Variants in ITGAX observed in about 807,000 individuals in gnomAD.
ITGAX encodes the protein integrin alpha-X.
Under a neutral mutation model 140.2 loss-of-function variants are expected in ITGAX, and 99 were observed. The ratio of observed to expected loss-of-function variants is 0.71; its 90% CI spans 0.60 to 0.83. The LOEUF is 0.83. ITGAX is among the 40% of genes least tolerant of loss of function. The probability of loss-of-function intolerance (pLI) is 0.00; values close to 1 mark genes in which losing one functional copy is unlikely to be tolerated. For missense variants in ITGAX, 1,444 were observed against 1,482.0 expected (o/e 0.97, Z 0.42); for synonymous variants, 631 against 600.4 (o/e 1.05, Z -0.75).
intron 17 of ITGAX, 69 bp from the exon 18 acceptor site, chr16:31,372,309 T>A (rs2080974907): frequency 1.3e-6 from 2 of 1,546,020 alleles, no homozygotes; most frequent in South Asian, 2.4e-5. Context: ...GGATAAGAAC[T>A]GCGGATGAGG....
At position 31,363,066 on chromosome 16, in the gene ITGAX, G is replaced by A; in HGVS notation, c.1491G>A (p.Leu497=). 2 of 1,140,226 alleles carry A rather than the reference G, an allele frequency of 1.8e-6. No individual in the cohort carries two copies. The highest frequency in any genetic ancestry group is 1.6e-5 in the African/African-American group (1 of 62,428). The allele number at this position is 1,140,226 out of a possible 1,614,324, so 70.6% of individuals were successfully genotyped here. Residue 497 remains leucine, a synonymous_variant, in exon 13 of 30, where the codon TTG becomes TTA. Coordinates refer to ENST00000268296, the MANE Select transcript of ITGAX (RefSeq NM_000887.5). ...GGGGCCAGGTGTCTGTGTGTCCCTT[G>A]CCCAGGGGGGTGAGTGGCTGATGGG... The part of the protein sequence containing the change: ...TRGGQVSVCP[L]PRGWRRWWCD...
At chr16:31,360,661 AG>A (rs1489062966) in intron 8 of ITGAX, 198 bp downstream of exon 8, 30 of 577,114 alleles carry the variant, frequency 5.2e-5, no homozygotes, top group Non-Finnish European at 8.7e-5. Context: ...CTGGGACCAC[AG>A]GTGTGTGCCA....
chr16:31,381,677 G>T, intron 29 of ITGAX, 126 bp from the exon 30 acceptor site: 7 of 677,526 alleles, frequency 1.0e-5, no homozygotes, highest in Non-Finnish European at 1.9e-5. Flanking sequence ...TGCATATAAA[G>T]TTCCTAGTGC....
chr16:31,375,377 A>G (rs1280302870), intron 20 of ITGAX, among the ~76,000 whole-genome samples: 1 of 152,218 alleles, frequency 6.6e-6, no homozygotes, highest in Non-Finnish European at 1.5e-5. Context: ...TCTCACATGC[A>G]CTGCCTTGCA....
In ITGAX at chr16:31,362,729, G is replaced by A. The variant is rs1371761867; in HGVS notation, c.1335G>A (p.Met445Ile). 6.2e-7 allele frequency: 1 copy of A among 1,613,912 alleles called. No individual in the cohort carries two copies. Among genetic ancestry groups the A allele is most frequent in the South Asian group, 1.1e-5 (1 of 91,076 alleles). ...CCCAGGTGTCCAGGCAATGGAGGATGAAGGCCGAAGTCACGGGGACTCAGG... is the reference window on the plus strand; with the variant it reads ...CCCAGGTGTCCAGGCAATGGAGGATAAAGGCCGAAGTCACGGGGACTCAGG... ...IFTQVSRQWR[M>I]KAEVTGTQIG... The change falls in exon 12 of 30, where the codon ATG (methionine) becomes ATA (isoleucine). Residue 445 changes from methionine to isoleucine, a missense_variant. Coordinates refer to ENST00000268296, the MANE Select transcript of ITGAX (RefSeq NM_000887.5).
intron 23 of ITGAX, 132 bp downstream of exon 23, chr16:31,377,397 G>A: frequency 1.4e-6 from 1 of 692,176 alleles, no homozygotes; most frequent in Non-Finnish European, 2.4e-6. Context: ...AGGTGTTTCA[G>A]CAGACACCTT....
rs1339618090 is a variant in ITGAX at position 31,379,778 on chromosome 16, G to C, written c.2890G>C (p.Asp964His). 7 of 1,613,968 alleles carry C rather than the reference G, an allele frequency of 4.3e-6. No homozygotes were observed. Among genetic ancestry groups the C allele is most frequent in the Non-Finnish European group, 5.9e-6 (7 of 1,180,004 alleles). ...RYQVNNLGQR[D>H]LPVSINFWVP... is the part of the protein sequence containing the mutation. ...GCAGGTCAATAACCTGGGACAGAGG[G>C]ACCTGCCTGTCAGCATCAACTTCTG... is the stretch of plus-strand genomic sequence containing the variant. The change falls in exon 25 of 30, where the codon GAC (aspartate) becomes CAC (histidine). Residue 964 changes from aspartate to histidine, a missense_variant. Coordinates refer to ENST00000268296, the MANE Select transcript of ITGAX (RefSeq NM_000887.5).
intron 13 of ITGAX, 35 bp from the exon 14 acceptor site, chr16:31,363,130 C>T (rs2080854086): frequency 2.5e-6 from 4 of 1,606,374 alleles, no homozygotes; most frequent in Non-Finnish European, 3.4e-6. Flanking sequence ...GGAGGGGTTG[C>T]CCGGGTTGGG....
chr16:31,370,683 G>T (rs1236037444), intron 14 of ITGAX, among the ~76,000 whole-genome samples: 2 of 152,168 alleles, frequency 1.3e-5, no homozygotes. Flanking sequence ...CCTGGGTGCT[G>T]TTCTAAGAAC....
intron 2 of ITGAX, 29 bp downstream of exon 2, chr16:31,356,027 CTCCA>C: frequency 6.6e-7 from 1 of 1,514,556 alleles, no homozygotes; most frequent in African/African-American, 1.4e-5. Flanking sequence ...TGGCCTTTGG[CTCCA>C]TCCATCCTCT....
intron 10 of ITGAX, 69 bp from the exon 11 acceptor site, chr16:31,362,006 G>T: frequency 6.2e-7 from 1 of 1,612,992 alleles, no homozygotes; most frequent in East Asian, 2.2e-5. Context: ...GCAGGCGGAA[G>T]GCATATCTCT....
At chr16:31,362,282 A>G in intron 11 of ITGAX, 78 bp downstream of exon 11, 3 of 1,149,202 alleles carry the variant, frequency 2.6e-6, no homozygotes, top group East Asian at 5.0e-5. Flanking sequence ...GGGAAGGGGT[A>G]TGGGGGCTGT....
In ITGAX at chr16:31,377,215, C is replaced by A. The variant is rs1445857314; in HGVS notation, c.2739C>A (p.Thr913=). 3.1e-6 allele frequency: 5 copies of A among 1,613,836 alleles called. No individual in the cohort carries two copies. The highest frequency in any genetic ancestry group is 2.5e-6 in the Non-Finnish European group (3 of 1,180,008). ...ENNTPRTSKT[T]FQLELPVKYA... Reference sequence around the variant, plus strand: ...ACACTCCCAGGACCAGCAAGACCACCTTCCAGCTGGAGCTCCCGGTGAAGT... The same window carrying A: ...ACACTCCCAGGACCAGCAAGACCACATTCCAGCTGGAGCTCCCGGTGAAGT... Residue 913 remains threonine (T), a synonymous_variant, in exon 23 of 30, where the codon ACC becomes ACA. Coordinates refer to ENST00000268296, the MANE Select transcript of ITGAX (RefSeq NM_000887.5).
At position 31,377,031 on chromosome 16, in the gene ITGAX, C is replaced by G; in HGVS notation, c.2657C>G (p.Pro886Arg). The change falls in exon 22 of 30, where the codon CCC (proline) becomes CGC (arginine). Residue 886 changes from proline to arginine, a missense_variant. Coordinates refer to ENST00000268296, the MANE Select transcript of ITGAX (RefSeq NM_000887.5). ...ITFLATFDVSPKAVLGDRLLL... is the reference protein window; with the variant it reads ...ITFLATFDVSRKAVLGDRLLL... ...TTCTTGGCTACCTTTGACGTCTCCC[C>G]CAAGGCTGTCCTGGGAGACCGGCTG... is the stretch of plus-strand genomic sequence containing the variant. 1 of 1,614,224 alleles carries G rather than the reference C, an allele frequency of 6.2e-7. No homozygotes were observed. The highest frequency in any genetic ancestry group is 8.5e-7 in the Non-Finnish European group (1 of 1,180,034).
rs760509332 is a variant in ITGAX at position 31,363,383 on chromosome 16, G to A, written c.1710+9G>A. On this transcript the variant is annotated intron_variant, in intron 14 of 29. Transcript: ENST00000268296. The stretch of plus-strand genomic sequence containing the variant: ...GCCCCTCCCACAGCCAGGTGAGGCC[G>A]TGTCCCATTTCTGTCACTAGAGCAG... 21 of 1,611,634 alleles carry A rather than the reference G, an allele frequency of 1.3e-5. No individual in the cohort carries two copies. Among genetic ancestry groups the A allele is most frequent in the Non-Finnish European group, 1.5e-5 (18 of 1,177,834 alleles).
At chr16:31,359,370 G>A (rs533356995) in intron 5 of ITGAX, among the ~76,000 whole-genome samples, 2 of 151,836 alleles carry the variant, frequency 1.3e-5, no homozygotes, top group African/African-American at 4.8e-5. Context: ...TTCACCATGT[G>A]GGCCAGGATG....
Position 31,359,816 on chromosome 16 carries a change from A to T in ITGAX, c.547A>T (p.Arg183Ter). The T allele has an allele frequency of 6.2e-7, 1 of 1,614,160 alleles. No individual in the cohort carries two copies. Among genetic ancestry groups the T allele is most frequent in the East Asian group, 2.2e-5 (1 of 44,882 alleles). The change falls in exon 6 of 30, where the codon AGA becomes TGA. Residue 183 changes from arginine (R) to a stop codon, truncating the protein, a stop_gained. Transcript: ENST00000268296. LOFTEE classifies it high-confidence loss of function. ...FVRAVISQFQRPSTQFSLMQF... is the reference protein window; with the variant it reads ...FVRAVISQFQ ...GAGAGCTGTGATAAGCCAGTTCCAG[A>T]GACCCAGCACCCAGGTGTGCCTTTG...
rs1317603966 is a variant in ITGAX at position 31,380,695 on chromosome 16, T to TG, written c.3276+77dup. ...CTAGGGCTACATCTGTGGTGCTGGG[T>TG]GGGGGGTTTGCAAGCCTTGGGGGAG... is the stretch of plus-strand genomic sequence containing the variant. On this transcript the variant is annotated intron_variant, in intron 28 of 29. Coordinates refer to ENST00000268296, the MANE Select transcript of ITGAX (RefSeq NM_000887.5). 5 of 1,574,622 alleles carry TG rather than the reference T, an allele frequency of 3.2e-6. No homozygotes were observed. The African/African-American group carries it at 6.8e-5, about 21-fold the overall frequency.
chr16:31,374,530 C>T (rs1188556496), intron 20 of ITGAX, among the ~76,000 whole-genome samples: 4 of 152,152 alleles, frequency 2.6e-5, no homozygotes, highest in Non-Finnish European at 4.4e-5. Flanking sequence ...GCCTTGACCT[C>T]CTGGGCTCAA....
Sources: allele counts gnomAD v4.1 joint callset (sites outside exome capture counted in the v4.1 genomes callset), GRCh38; gene constraint gnomAD v4.1.1; transcripts MANE v1.5; gene names NCBI Gene and HGNC (gene_info 2026-07-23, HGNC 2026-07-21).